Variants in GABRB2 observed in about 807,000 individuals in gnomAD.
GABRB2 encodes the protein gamma-aminobutyric acid receptor subunit beta-2.
Under a neutral mutation model 54.7 loss-of-function variants are expected in GABRB2, and 16 were observed. That is an observed-to-expected ratio of 0.29 (90% CI 0.20 to 0.44). The LOEUF (loss-of-function observed/expected upper bound fraction) is 0.44, where lower values mean the gene tolerates loss of function less well. Ranked by LOEUF, GABRB2 falls within the 20% of genes least tolerant of loss-of-function variation. The pLI, the probability that GABRB2 is intolerant of heterozygous loss-of-function variation, is 1.00. For missense variants in GABRB2, 355 were observed against 644.0 expected, an observed-to-expected ratio of 0.55 and a Z score of 4.86; for synonymous variants, 244 against 233.8, an observed-to-expected ratio of 1.04 and a Z score of -0.40.
At chr5:161,304,925 G>C (rs1449241756) in intron 9 of GABRB2, among the ~76,000 whole-genome samples, 1 of 151,456 alleles carries the variant, frequency 6.6e-6, no homozygotes, top group African/African-American at 2.4e-5. Context: ...TTCGTTGTAT[G>C]GGGAAAAAGA....
chr5:161,463,568 T>TAG (rs1758188885), intron 3 of GABRB2, among the ~76,000 whole-genome samples: 6 of 109,250 alleles, frequency 5.5e-5, no homozygotes, highest in Non-Finnish European at 1.0e-4. Flanking sequence ...TATATATATA[T>TAG]ATATATATAT....
In GABRB2 at chr5:161,334,749, T is replaced by C. The variant is rs77398862; in HGVS notation, c.832+3A>G. The C allele has an allele frequency of 5.6e-6, 9 of 1,612,986 alleles. No individual in the cohort carries two copies. Among genetic ancestry groups the C allele is most frequent in the Non-Finnish European group, 6.8e-6 (8 of 1,179,508 alleles). ...ATCCACAAGCAGTAATAAAATGGCC[T>C]ACCTAATGCCACCCTTGCAGCTGAA... On this transcript the variant is annotated splice_donor_region_variant and intron_variant, in intron 7 of 9. Transcript: ENST00000393959.
rs536450011 is a variant in GABRB2 at position 161,344,125 on chromosome 5, G to A, written c.542-7356C>T. Among the ~76,000 whole-genome samples the A allele has an allele frequency of 1.6e-4, 24 of 152,152 alleles. No homozygotes were observed. The South Asian group carries it at 3.3e-3, about 21-fold the overall frequency. On this transcript the variant is annotated intron_variant, in intron 5 of 9. Transcript: ENST00000393959. ...GGCAAGGAAAATCTTGTATCTAGCCGTATCCAAAGAAGAACAAAATTTTTT... is the reference window on the plus strand; with the variant it reads ...GGCAAGGAAAATCTTGTATCTAGCCATATCCAAAGAAGAACAAAATTTTTT...
chr5:161,363,692 G>T (rs1754887891), intron 5 of GABRB2, among the ~76,000 whole-genome samples: 1 of 151,970 alleles, frequency 6.6e-6, no homozygotes, highest in Admixed American at 6.6e-5. Flanking sequence ...ACAGAGCAAT[G>T]CCCTGCCTCA....
At chr5:161,414,511 T>G (rs1756608509) in intron 4 of GABRB2, among the ~76,000 whole-genome samples, 1 of 152,094 alleles carries the variant, frequency 6.6e-6, no homozygotes, top group African/African-American at 2.4e-5. Context: ...GGCAGAGATA[T>G]CAAGATGGAT....
chr5:161,429,314 C>CCAGCCTGG (rs1256652143), intron 4 of GABRB2, among the ~76,000 whole-genome samples: 1 of 94,764 alleles, frequency 1.1e-5, no homozygotes, highest in Non-Finnish European at 1.9e-5. Context: ...CCACTGCACT[C>CCAGCCTGG]CAGCCTGGGC....
chr5:161,418,925 G>A (rs926714639), intron 4 of GABRB2, among the ~76,000 whole-genome samples: 2 of 152,120 alleles, frequency 1.3e-5, no homozygotes, highest in African/African-American at 4.8e-5. Context: ...CCATGAGTTC[G>A]AGACCAGCGG....
At chr5:161,354,224 C>T (rs567050466) in intron 5 of GABRB2, among the ~76,000 whole-genome samples, 5 of 152,042 alleles carry the variant, frequency 3.3e-5, no homozygotes, top group African/African-American at 4.8e-5. Flanking sequence ...ATTTAATAAA[C>T]GTACCAGCTG....
At chr5:161,523,499 T>C (rs897134984) in intron 3 of GABRB2, among the ~76,000 whole-genome samples, 1 of 151,564 alleles carries the variant, frequency 6.6e-6, no homozygotes, top group African/African-American at 2.4e-5. Flanking sequence ...CTGACTTTCC[T>C]GCTTTTCTTA....
chr5:161,341,288 AATG>A (rs1171671078), intron 5 of GABRB2, among the ~76,000 whole-genome samples: 1 of 152,022 alleles, frequency 6.6e-6, no homozygotes, highest in Non-Finnish European at 1.5e-5. Context: ...CTTTCATAAT[AATG>A]ATGAGTAAAA....
chr5:161,318,060 T>A (rs1054820436), intron 9 of GABRB2, among the ~76,000 whole-genome samples: 61 of 152,042 alleles, frequency 4.0e-4, no homozygotes, highest in African/African-American at 1.4e-3. Flanking sequence ...TCAGGAAGAT[T>A]GGGATTCAGA....
At chr5:161,338,174 A>C (rs1754046244) in intron 5 of GABRB2, among the ~76,000 whole-genome samples, 1 of 152,164 alleles carries the variant, frequency 6.6e-6, no homozygotes, top group African/African-American at 2.4e-5. Flanking sequence ...CAAACAGCAC[A>C]GCTCAGGCTG....
At chr5:161,308,019 C>T (rs964953472) in intron 9 of GABRB2, among the ~76,000 whole-genome samples, 23 of 151,968 alleles carry the variant, frequency 1.5e-4, no homozygotes, top group Admixed American at 5.2e-4. Context: ...CCACCACACC[C>T]GGCTAATTTT....
chr5:161,419,835 GGTTGACAA>G (rs1488504743), intron 4 of GABRB2, among the ~76,000 whole-genome samples: 2 of 152,046 alleles, frequency 1.3e-5, no homozygotes, highest in African/African-American at 4.8e-5. Flanking sequence ...GGGCAGTGAG[GGTTGACAA>G]ATTACCTACA....
At chr5:161,533,082 G>GT (rs1266218951) in intron 3 of GABRB2, among the ~76,000 whole-genome samples, 1 of 149,660 alleles carries the variant, frequency 6.7e-6, no homozygotes, top group African/African-American at 2.4e-5. Context: ...TTACTTCTAG[G>GT]TTAAGACCTC....
At chr5:161,530,075 G>A (rs1760409701) in intron 3 of GABRB2, among the ~76,000 whole-genome samples, 1 of 151,924 alleles carries the variant, frequency 6.6e-6, no homozygotes. Flanking sequence ...TCTCCTTAAA[G>A]TCCAACAGCA....
At chr5:161,513,961 C>A (rs1447799799) in intron 3 of GABRB2, among the ~76,000 whole-genome samples, 1 of 152,088 alleles carries the variant, frequency 6.6e-6, no homozygotes, top group Non-Finnish European at 1.5e-5. Context: ...CCTCATCATT[C>A]TGTTGCTTTT....
intron 9 of GABRB2, among the ~76,000 whole-genome samples, chr5:161,309,026 A>G (rs1236580833): frequency 6.6e-6 from 1 of 152,218 alleles, no homozygotes; most frequent in Non-Finnish European, 1.5e-5. Flanking sequence ...TGATTAAACT[A>G]AAGAGCTCCT....
intron 3 of GABRB2, among the ~76,000 whole-genome samples, chr5:161,463,554 TTTATATATATATATATATATA>T (rs1561659476): frequency 9.1e-5 from 2 of 22,066 alleles, no homozygotes; most frequent in African/African-American, 3.0e-4. Flanking sequence ...AATATTTTTA[TTTATATATATATATATATATA>T]TATATATATA....
Sources: allele counts gnomAD v4.1 joint callset (sites outside exome capture counted in the v4.1 genomes callset), GRCh38; gene constraint gnomAD v4.1.1; transcripts MANE v1.5; gene names NCBI Gene and HGNC (gene_info 2026-07-23, HGNC 2026-07-21).